Variants in KLF17 observed in about 807,000 individuals in gnomAD.
The protein encoded by KLF17 is KLF transcription factor 17, also known as Krueppel-like factor 17.
In KLF17, 31 loss-of-function variants were observed where a neutral mutation model predicts 34.2. The observed-to-expected ratio is 0.91, with a 90% confidence interval of 0.68 to 1.22. The LOEUF is 1.22. Ranked by LOEUF, KLF17 falls within the 50% of genes most tolerant of loss-of-function variation. The pLI, the probability that KLF17 is intolerant of heterozygous loss-of-function variation, is 0.00. For synonymous variants in KLF17, 179 were observed against 186.7 expected, an observed-to-expected ratio of 0.96 and a Z score of 0.34; for missense variants, 478 against 505.2, an observed-to-expected ratio of 0.95 and a Z score of 0.52.
At chr1:44,109,537 T>C in the KLF17 span, among the ~76,000 whole-genome samples, 1 of 152,212 alleles carries the variant, frequency 6.6e-6, no homozygotes, top group Admixed American at 6.5e-5. Flanking sequence ...GTGTAGAATA[T>C]AATACAAACA....
the KLF17 span, among the ~76,000 whole-genome samples, chr1:44,068,029 T>C: frequency 6.6e-6 from 1 of 151,946 alleles, no homozygotes; most frequent in Non-Finnish European, 1.5e-5. Flanking sequence ...GCACTTTTTT[T>C]TTCTTTCTCT....
chr1:44,117,787 G>A (rs575956215), upstream of KLF17, among the ~76,000 whole-genome samples: 68 of 152,232 alleles, frequency 4.5e-4, no homozygotes, highest in South Asian at 7.9e-3. Flanking sequence ...GAACCACTGC[G>A]CCCAGCCTCA....
At chr1:44,103,290 G>A in the KLF17 span, 3 of 714,008 alleles carry the variant, frequency 4.2e-6, no homozygotes, top group South Asian at 4.5e-5. Flanking sequence ...AGGCTGGGAG[G>A]GGCTGCCCTG....
At position 44,130,000 on chromosome 1, in the gene KLF17, A is replaced by C; in HGVS notation, c.729A>C (p.Pro243=). 6.2e-7 allele frequency: 1 copy of C among 1,614,198 alleles called. No homozygotes were observed. Among genetic ancestry groups the C allele is most frequent in the East Asian group, 2.2e-5 (1 of 44,886 alleles). ...LGSQDSLVSQ[P]DSQEGPFLPE... is the part of the protein sequence containing the mutation. ...CTCAGGACTCTCTTGTCAGTCAGCCAGACTCTCAAGAAGGCCCATTTCTAC... is the reference window on the plus strand; with the variant it reads ...CTCAGGACTCTCTTGTCAGTCAGCCCGACTCTCAAGAAGGCCCATTTCTAC... The change falls in exon 2 of 4, where the codon CCA becomes CCC. Residue 243 remains proline, a synonymous_variant. Coordinates refer to ENST00000372299, the MANE Select transcript of KLF17 (RefSeq NM_173484.4).
At chr1:44,066,989 G>A in the KLF17 span, among the ~76,000 whole-genome samples, 87 of 152,210 alleles carry the variant, frequency 5.7e-4, no homozygotes, top group East Asian at 0.016. Flanking sequence ...TATAGATGAC[G>A]TTCTCAAATA....
Position 44,129,503 on chromosome 1 carries a change from C to T in KLF17, c.232C>T (p.Pro78Ser), listed in dbSNP as rs770985004. Residue 78 changes from proline (P) to serine (S), a missense_variant, in exon 2 of 4, where the codon CCG becomes TCG. Pro to Ser is a moderately conservative substitution (Grantham distance 74). Coordinates refer to ENST00000372299, the MANE Select transcript of KLF17 (RefSeq NM_173484.4). The stretch of plus-strand genomic sequence containing the variant: ...GTCCCCTTTGGTGTCTGTTGAGGCG[C>T]CGGGGCAGAATGTGAATGAAGGGGG... ...LGSPLVSVEA[P>S]GQNVNEGGPQ... 3 of 1,612,740 alleles carry T rather than the reference C, an allele frequency of 1.9e-6. No individual in the cohort carries two copies. Among genetic ancestry groups the T allele is most frequent in the Admixed American group, 1.7e-5 (1 of 59,884 alleles).
At chr1:44,125,848 T>G (rs1428746509) in intron 1 of KLF17, among the ~76,000 whole-genome samples, 1 of 152,064 alleles carries the variant, frequency 6.6e-6, no homozygotes, top group Non-Finnish European at 1.5e-5. Flanking sequence ...CTTGGATATT[T>G]GTATTCATAT....
chr1:44,079,035 A>G, the KLF17 span, among the ~76,000 whole-genome samples: 1 of 152,104 alleles, frequency 6.6e-6, no homozygotes, highest in Non-Finnish European at 1.5e-5. Flanking sequence ...TAGCTGATAA[A>G]GTATGTTCTT....
chr1:44,050,612 C>T, the KLF17 span, among the ~76,000 whole-genome samples: 1 of 152,120 alleles, frequency 6.6e-6, no homozygotes, highest in Non-Finnish European at 1.5e-5. Context: ...ACTACACTGC[C>T]TCCTCAATAA....
chr1:44,096,271 A>C, the KLF17 span, among the ~76,000 whole-genome samples: 2 of 152,168 alleles, frequency 1.3e-5, no homozygotes, highest in Middle Eastern at 3.4e-3. Flanking sequence ...TCTAAATCTA[A>C]GATTATATTG....
rs1357663096 is a variant in KLF17 at position 44,122,152 on chromosome 1, A to G, written c.81+3164A>G. On this transcript the variant is annotated intron_variant, in intron 1 of 3. Coordinates refer to ENST00000372299, the MANE Select transcript of KLF17 (RefSeq NM_173484.4). ...CTTTGAAACAGTAATCCTGAGAGAC[A>G]TTATCGCCTAGGACCCCCTCTTCCT... is the stretch of plus-strand genomic sequence containing the variant. The G allele has an allele frequency of 1.9e-6, 3 of 1,553,098 alleles. No homozygotes were observed. The Admixed American group carries it at 5.2e-5, about 27-fold the overall frequency.
chr1:44,087,824 A>G, the KLF17 span: 10 of 146,914 alleles, frequency 6.8e-5, no homozygotes, highest in African/African-American at 2.0e-4. Context: ...ACACACACAC[A>G]CACATATATA....
At chr1:44,096,574 T>C in the KLF17 span, among the ~76,000 whole-genome samples, 1 of 151,926 alleles carries the variant, frequency 6.6e-6, no homozygotes. Context: ...AATTTTTTTG[T>C]ATTTTTAGTG....
chr1:44,045,057 T>C, the KLF17 span: 1 of 152,214 alleles, frequency 6.6e-6, no homozygotes, highest in Non-Finnish European at 1.5e-5. Context: ...CTGCCTTGGC[T>C]GAGCTTGGCC....
At chr1:44,101,178 C>T in the KLF17 span, among the ~76,000 whole-genome samples, 1 of 152,130 alleles carries the variant, frequency 6.6e-6, no homozygotes, top group Non-Finnish European at 1.5e-5. Flanking sequence ...CACATTTGCT[C>T]TATCTACCTA....
chr1:44,054,803 G>A, the KLF17 span, among the ~76,000 whole-genome samples: 32 of 115,038 alleles, frequency 2.8e-4, no homozygotes, highest in Admixed American at 5.8e-4. Context: ...TTTTTGAGAC[G>A]GAGTCTTACT....
At chr1:44,056,348 C>T in the KLF17 span, among the ~76,000 whole-genome samples, 1 of 152,184 alleles carries the variant, frequency 6.6e-6, no homozygotes, top group Non-Finnish European at 1.5e-5. Context: ...TATGTGCTCA[C>T]TCCTGGAACA....
chr1:44,046,197 A>G, the KLF17 span: 1 of 149,588 alleles, frequency 6.7e-6, no homozygotes, highest in Non-Finnish European at 1.5e-5. Flanking sequence ...ACTTACTAGT[A>G]CCAGGCCAGT....
chr1:44,129,182 A>G (rs533118377), intron 1 of KLF17, among the ~76,000 whole-genome samples, 171 bp from the exon 2 acceptor site: 1 of 152,232 alleles, frequency 6.6e-6, no homozygotes, highest in African/African-American at 2.4e-5. Context: ...TGGGGCTTGT[A>G]TCAGCCAGAC....
Sources: allele counts gnomAD v4.1 joint callset (sites outside exome capture counted in the v4.1 genomes callset), GRCh38; gene constraint gnomAD v4.1.1; transcripts MANE v1.5; gene names NCBI Gene and HGNC (gene_info 2026-07-23, HGNC 2026-07-21).